The following GRM8 variants were observed in gnomAD, a reference collection of about 807,000 sequenced individuals.
The protein encoded by GRM8 is metabotropic glutamate receptor 8.
In GRM8, 47 loss-of-function variants were observed where a neutral mutation model predicts 87.2. The ratio of observed to expected loss-of-function variants is 0.54; its 90% CI spans 0.43 to 0.69. The LOEUF (loss-of-function observed/expected upper bound fraction) is 0.69. Among genes scored for constraint, GRM8 ranks in the 30% least tolerant of loss-of-function variants. The pLI is 0.00. For synonymous variants in GRM8, 396 were observed against 404.5 expected (o/e 0.98, Z 0.25); for missense variants, 1,019 against 1,139.2 (o/e 0.89, Z 1.52).
intron 7 of GRM8, among the ~76,000 whole-genome samples, chr7:126,659,484 GAAAGATTTTTT>G (rs1180426485): frequency 2.6e-5 from 4 of 152,268 alleles, no homozygotes; most frequent in African/African-American, 9.6e-5. Context: ...AAACAGAAGT[GAAAGATTTTTT>G]AAAGAGAGAG....
At chr7:127,123,575 A>G (rs920806401) in intron 2 of GRM8, among the ~76,000 whole-genome samples, 6 of 152,124 alleles carry the variant, frequency 3.9e-5, no homozygotes, top group Admixed American at 2.6e-4. Flanking sequence ...CCAATCTTAA[A>G]CTTTCCAGCC....
At chr7:126,933,251 G>C (rs1805947602) in intron 3 of GRM8, among the ~76,000 whole-genome samples, 2 of 152,192 alleles carry the variant, frequency 1.3e-5, no homozygotes, top group African/African-American at 4.8e-5. Context: ...TGGATTCAAA[G>C]CTACAGAAAA....
intron 9 of GRM8, among the ~76,000 whole-genome samples, chr7:126,508,388 A>T (rs1461980346): frequency 6.6e-6 from 1 of 151,928 alleles, no homozygotes; most frequent in Non-Finnish European, 1.5e-5. Flanking sequence ...AGAATGACAA[A>T]AGAGAGAGCC....
intron 3 of GRM8, among the ~76,000 whole-genome samples, chr7:126,930,361 A>G (rs775619898): frequency 1.3e-5 from 2 of 152,222 alleles, no homozygotes; most frequent in Non-Finnish European, 2.9e-5. Context: ...TGGCTGGCAT[A>G]CAAAATAAAT....
At chr7:126,734,063 AG>A (rs1265405349) in intron 7 of GRM8, among the ~76,000 whole-genome samples, 1 of 152,102 alleles carries the variant, frequency 6.6e-6, no homozygotes, top group African/African-American at 2.4e-5. Context: ...TTTAATTAGC[AG>A]TCATAACACA....
intron 6 of GRM8, among the ~76,000 whole-genome samples, chr7:126,807,830 G>A (rs545283018): frequency 3.9e-5 from 6 of 152,066 alleles, no homozygotes; most frequent in Non-Finnish European, 8.8e-5. Context: ...AGACTAGCAC[G>A]TACTCATGGA....
At chr7:126,676,767 G>A (rs1279450531) in intron 7 of GRM8, among the ~76,000 whole-genome samples, 1 of 152,082 alleles carries the variant, frequency 6.6e-6, no homozygotes, top group Non-Finnish European at 1.5e-5. Flanking sequence ...AAACCAAAAA[G>A]CCTCTAGAAG....
At chr7:126,889,489 C>T (rs1800796771) in intron 6 of GRM8, among the ~76,000 whole-genome samples, 1 of 152,066 alleles carries the variant, frequency 6.6e-6, no homozygotes, top group Non-Finnish European at 1.5e-5. Context: ...GCAAGTAGCA[C>T]ACCCCCACCA....
intron 2 of GRM8, among the ~76,000 whole-genome samples, chr7:127,238,272 G>A (rs1798089701): frequency 6.6e-6 from 1 of 151,942 alleles, no homozygotes; most frequent in African/African-American, 2.4e-5. Context: ...GGTCTGCTCT[G>A]CCCCATGTTA....
At chr7:126,896,503 A>T (rs1801553328) in intron 6 of GRM8, among the ~76,000 whole-genome samples, 1 of 152,120 alleles carries the variant, frequency 6.6e-6, no homozygotes, top group Admixed American at 6.6e-5. Flanking sequence ...TACTTCCTTC[A>T]TATGGTCTCT....
chr7:127,096,572 A>G (rs1488042526), intron 3 of GRM8, among the ~76,000 whole-genome samples: 1 of 152,002 alleles, frequency 6.6e-6, no homozygotes, highest in Non-Finnish European at 1.5e-5. Context: ...AAAAAAAAAA[A>G]ATACAAATTG....
chr7:126,955,072 A>G (rs1808536860), intron 3 of GRM8, among the ~76,000 whole-genome samples: 1 of 152,188 alleles, frequency 6.6e-6, no homozygotes, highest in Admixed American at 6.5e-5. Flanking sequence ...AATTCAGAAT[A>G]AAAGGCAAAA....
intron 6 of GRM8, among the ~76,000 whole-genome samples, chr7:126,779,255 T>A (rs1819809272): frequency 6.6e-6 from 1 of 152,130 alleles, no homozygotes; most frequent in Non-Finnish European, 1.5e-5. Context: ...ATTCTCCCAG[T>A]GTTATTTATT....
chr7:126,646,030 G>A (rs1239773004), intron 7 of GRM8, among the ~76,000 whole-genome samples: 1 of 152,110 alleles, frequency 6.6e-6, no homozygotes, highest in Non-Finnish European at 1.5e-5. Flanking sequence ...GAAGTAGAGA[G>A]AAAGTGTTAC....
chr7:126,542,816 G>T (rs892248364), intron 8 of GRM8, among the ~76,000 whole-genome samples: 1 of 152,158 alleles, frequency 6.6e-6, no homozygotes, highest in Non-Finnish European at 1.5e-5. Context: ...TCAGAGGGAG[G>T]ATGGCAGAGA....
At chr7:126,745,220 T>C (rs1815507285) in intron 7 of GRM8, among the ~76,000 whole-genome samples, 1 of 151,676 alleles carries the variant, frequency 6.6e-6, no homozygotes, top group South Asian at 2.1e-4. Context: ...CAATGCTATT[T>C]TTCATTCTGT....
intron 3 of GRM8, among the ~76,000 whole-genome samples, chr7:127,042,464 A>C (rs569367155): frequency 1.7e-4 from 26 of 152,352 alleles, no homozygotes; most frequent in Non-Finnish European, 2.2e-4. Flanking sequence ...AATTTTAAAG[A>C]TAAAACCCTT....
chr7:127,057,465 A>G (rs970025421), intron 3 of GRM8, among the ~76,000 whole-genome samples: 3 of 152,178 alleles, frequency 2.0e-5, no homozygotes, highest in African/African-American at 7.2e-5. Context: ...CCCTATAAAA[A>G]CAAGAAAAAA....
intron 8 of GRM8, among the ~76,000 whole-genome samples, chr7:126,603,151 T>C (rs920930369): frequency 2.0e-5 from 3 of 146,370 alleles, no homozygotes; most frequent in South Asian, 2.3e-4. Flanking sequence ...ATTATCTCAA[T>C]AGATGCAGAA....
Sources: allele counts gnomAD v4.1 joint callset (sites outside exome capture counted in the v4.1 genomes callset), GRCh38; gene constraint gnomAD v4.1.1; transcripts MANE v1.5; gene names NCBI Gene and HGNC (gene_info 2026-07-23, HGNC 2026-07-21).